TMEM184C: variants seen among roughly 807,000 people sequenced by gnomAD.
TMEM184C encodes the protein transmembrane protein 34.
In TMEM184C, 25 loss-of-function variants were observed where a neutral mutation model predicts 54.5. That is an observed-to-expected ratio of 0.46 (90% CI 0.33 to 0.64). The LOEUF is 0.64. Ranked by LOEUF, TMEM184C falls within the 30% of genes least tolerant of loss-of-function variation. The pLI, the probability that TMEM184C is intolerant of heterozygous loss-of-function variation, is 0.02. For missense variants in TMEM184C, 335 were observed against 520.3 expected, an observed-to-expected ratio of 0.64 and a Z score of 3.46; for synonymous variants, 148 against 181.5, an observed-to-expected ratio of 0.82 and a Z score of 1.49.
chr4:147,635,063 A>G lies in TMEM184C; in HGVS notation c.*629A>G, dbSNP rs1300582952. 1 of 152,256 alleles carries G rather than the reference A, an allele frequency of 6.6e-6. No individual in the cohort carries two copies. Among genetic ancestry groups the G allele is most frequent in the African/African-American group, 2.4e-5 (1 of 41,438 alleles). 9.4% of individuals were successfully genotyped at this position (152,256 alleles called of 1,614,324 possible). A position where few individuals can be genotyped will look rare whatever the true frequency, so the allele number is the denominator to read the frequency against. On this transcript the variant is annotated 3_prime_UTR_variant, in exon 10 of 10. Transcript: ENST00000296582. ...TAAAAAAACATCAGTACTTCCTACC[A>G]CTGCTGCATGAGTATAATGCTCCGG...
rs1490960539 is a variant in TMEM184C at position 147,617,715 on chromosome 4, G to A, written c.-242G>A. On this transcript the variant is annotated 5_prime_UTR_variant, in exon 1 of 10. Coordinates refer to ENST00000296582, the MANE Select transcript of TMEM184C (RefSeq NM_018241.3). ...AGTACAACCGGGTAGATGCGGGGTG[G>A]AGAAGAAAGGATGTTGCCTGCACTG... 4 of 457,720 alleles carry A rather than the reference G, an allele frequency of 8.7e-6. No individual in the cohort carries two copies. Among genetic ancestry groups the A allele is most frequent in the South Asian group, 6.4e-5 (3 of 46,840 alleles). The allele number at this position is 457,720 out of a possible 1,614,324, so 28.4% of individuals were successfully genotyped here.
chr4:147,628,570 T>TAGAA (rs199898535), intron 5 of TMEM184C, 135 bp downstream of exon 5: 4 of 689,798 alleles, frequency 5.8e-6, no homozygotes, highest in African/African-American at 1.8e-5. Context: ...AAACACTGTA[T>TAGAA]AGAAACTCAC....
intron 1 of TMEM184C, among the ~76,000 whole-genome samples, chr4:147,620,383 C>T (rs139086208): frequency 8.8e-4 from 134 of 152,160 alleles, no homozygotes; most frequent in African/African-American, 3.1e-3. Flanking sequence ...AAGGGACCAA[C>T]AAAAACAAAT....
intron 7 of TMEM184C, 116 bp downstream of exon 7, chr4:147,631,621 C>T: frequency 1.4e-6 from 1 of 728,752 alleles, no homozygotes; most frequent in South Asian, 1.8e-5. Context: ...GTCTCTACTT[C>T]TCTTTTTAAA....
intron 4 of TMEM184C, among the ~76,000 whole-genome samples, chr4:147,627,450 TTTG>T (rs995490334): frequency 2.0e-5 from 3 of 151,894 alleles, no homozygotes; most frequent in African/African-American, 7.2e-5. Flanking sequence ...CCGGCTAAAT[TTTG>T]TTATTTTTTT....
chr4:147,623,930 T>C lies in TMEM184C; in HGVS notation c.220T>C (p.Tyr74His), dbSNP rs748726206. Residue 74 changes from tyrosine to histidine, a missense_variant, in exon 2 of 10, where the codon TAT becomes CAT. By Grantham distance (83) the Tyr-to-His change is moderately conservative. Coordinates refer to ENST00000296582, the MANE Select transcript of TMEM184C (RefSeq NM_018241.3). The part of the protein sequence containing the change: ...LWVILQHLVH[Y>H]TQPELQKPII... ...GGTGATATTGCAACACTTAGTGCAT[T>C]ATACACAACCTGAACTACAAAAACC... 1 of 1,613,948 alleles carries C rather than the reference T, an allele frequency of 6.2e-7. No individual in the cohort carries two copies. Among genetic ancestry groups the C allele is most frequent in the African/African-American group, 1.3e-5 (1 of 74,936 alleles).
At chr4:147,623,805 T>C in intron 1 of TMEM184C, 29 bp from the exon 2 acceptor site, 1 of 1,606,860 alleles carries the variant, frequency 6.2e-7, no homozygotes, top group Non-Finnish European at 8.5e-7. Context: ...TATCAGAATT[T>C]ATATTAACAT....
At chr4:147,630,891 T>A (rs1229849248) in intron 6 of TMEM184C, among the ~76,000 whole-genome samples, 1 of 152,122 alleles carries the variant, frequency 6.6e-6, no homozygotes, top group African/African-American at 2.4e-5. Context: ...TTGTTCATTT[T>A]AAAAAATAAA....
At chr4:147,623,626 A>C (rs1228723585) in intron 1 of TMEM184C, among the ~76,000 whole-genome samples, 1 of 124,598 alleles carries the variant, frequency 8.0e-6, no homozygotes, top group East Asian at 2.3e-4. Context: ...CTCCCCCACA[A>C]ATTTTTTTCA....
In TMEM184C at chr4:147,634,548, C is replaced by G; in HGVS notation, c.*114C>G. 1.6e-6 allele frequency: 2 copies of G among 1,257,266 alleles called. No homozygotes were observed. The highest frequency in any genetic ancestry group is 1.6e-5 in the South Asian group (1 of 61,660). The allele number at this position is 1,257,266 out of a possible 1,614,324, so 77.9% of individuals were successfully genotyped here. ...ATGGAAAATGTCAACACAAAAATAG[C>G]TGAAAGCCAGGTACAACTACTGCAT... On this transcript the variant is annotated 3_prime_UTR_variant, in exon 10 of 10. Transcript: ENST00000296582.
rs1159826946 is a variant in TMEM184C, at chr4:147,624,009, T to C, written c.254+45T>C. ...ATTCCACTACTGTTGTGTTGGCTTA[T>C]TTCATAAATATGACATAAAATGTTT... On this transcript the variant is annotated intron_variant, in intron 2 of 9. Transcript: ENST00000296582. 17 of 1,612,158 alleles carry C rather than the reference T, an allele frequency of 1.1e-5. No homozygotes were observed. In the Middle Eastern group the frequency reaches 5.0e-4, roughly 47 times the overall value.
intron 4 of TMEM184C, among the ~76,000 whole-genome samples, chr4:147,625,837 A>G (rs111903992): frequency 1.3e-5 from 2 of 152,320 alleles, no homozygotes; most frequent in African/African-American, 4.8e-5. Context: ...AAAGATAAAG[A>G]GTAATTCAGA....
chr4:147,626,724 C>A (rs184076895), intron 4 of TMEM184C, among the ~76,000 whole-genome samples: 5 of 152,262 alleles, frequency 3.3e-5, no homozygotes, highest in African/African-American at 9.6e-5. Context: ...CAGACATAGA[C>A]CTCATGGAAC....
chr4:147,627,385 T>C (rs1318059216), intron 4 of TMEM184C, among the ~76,000 whole-genome samples: 1 of 152,066 alleles, frequency 6.6e-6, no homozygotes, highest in East Asian at 1.9e-4. Flanking sequence ...CCACCTCCCA[T>C]ATTCAAGCAA....
rs1461010147 is a variant in TMEM184C at position 147,617,960 on chromosome 4, C to T, written c.4C>T (p.Pro2Ser). 2 of 1,614,120 alleles carry T rather than the reference C, an allele frequency of 1.2e-6. No homozygotes were observed. The highest frequency in any genetic ancestry group is 1.7e-5 in the Admixed American group (1 of 60,024). The change falls in exon 1 of 10, where the codon CCT (proline) becomes TCT (serine). Residue 2 changes from proline to serine, a missense_variant. Transcript: ENST00000296582. M[P>S]CTCTWRNWRQ... ...CGGATCTGATTTGTGCGAAAACATGCCTTGCACTTGTACCTGGAGGAACTG... is the reference window on the plus strand; with the variant it reads ...CGGATCTGATTTGTGCGAAAACATGTCTTGCACTTGTACCTGGAGGAACTG...
chr4:147,618,088 G>A lies in TMEM184C; in HGVS notation c.123+9G>A. 6.2e-7 allele frequency: 1 copy of A among 1,613,968 alleles called. No homozygotes were observed. The highest frequency in any genetic ancestry group is 1.7e-5 in the Admixed American group (1 of 59,996). ...AATTACAGAAACTGGAGGTAAGAGG[G>A]TTCTGCACCATCAGCCTGTACACTT... is the stretch of plus-strand genomic sequence containing the variant. On this transcript the variant is annotated intron_variant, in intron 1 of 9. Transcript: ENST00000296582.
At chr4:147,629,797 C>A in intron 6 of TMEM184C, 105 bp downstream of exon 6, 3 of 619,760 alleles carry the variant, frequency 4.8e-6, no homozygotes, top group Non-Finnish European at 7.4e-6. Context: ...TCTTTTTAAT[C>A]TTCCTATAAA....
Sources: gnomAD v4.1 joint callset for allele counts (sites outside exome capture counted in the v4.1 genomes callset) on GRCh38, gnomAD v4.1.1 for gene constraint, MANE v1.5 for transcripts, NCBI Gene and HGNC (gene_info 2026-07-23, HGNC 2026-07-21) for gene names.